LRP1B: variants seen among roughly 807,000 people sequenced by gnomAD.
LRP1B encodes LDL receptor related protein 1B, also known as low-density lipoprotein receptor-related protein 1B.
In LRP1B, 217 loss-of-function variants were observed where a neutral mutation model predicts 556.6. That is an observed-to-expected ratio of 0.39 (90% CI 0.35 to 0.44). LRP1B has a LOEUF of 0.44. Among genes scored for constraint, LRP1B ranks in the 20% least tolerant of loss-of-function variants. LRP1B has a pLI of 1.00. For synonymous variants in LRP1B, 2,047 were observed against 1,865.8 expected (o/e 1.10, Z -2.50); for missense variants, 5,053 against 5,620.8 (o/e 0.90, Z 3.23).
intron 2 of LRP1B, among the ~76,000 whole-genome samples, chr2:141,678,006 A>G (rs563951409): frequency 6.6e-6 from 1 of 152,270 alleles, no homozygotes; most frequent in South Asian, 2.1e-4. Context: ...TAGTTTTCCA[A>G]TATTACCACT....
intron 7 of LRP1B, among the ~76,000 whole-genome samples, chr2:141,135,728 C>A (rs1701475882): frequency 6.6e-6 from 1 of 151,820 alleles, no homozygotes; most frequent in African/African-American, 2.4e-5. Flanking sequence ...CAATATTGGA[C>A]CCCTTTGAAT....
At chr2:140,316,924 C>G (rs17386302) in intron 82 of LRP1B, among the ~76,000 whole-genome samples, 2 of 151,954 alleles carry the variant, frequency 1.3e-5, no homozygotes, top group Non-Finnish European at 2.9e-5. Flanking sequence ...TTTCAACAGG[C>G]GATTGATATG....
Position 141,862,350 on chromosome 2 carries a change from A to G in LRP1B, c.83-51949T>C, listed in dbSNP as rs567589842. Among the ~76,000 whole-genome samples, 6 of 152,294 alleles carry G rather than the reference A, an allele frequency of 3.9e-5. No homozygotes were observed. In the East Asian group the frequency reaches 1.2e-3, roughly 29 times the overall value. The stretch of plus-strand genomic sequence containing the variant: ...ACTGTGGTTTTCTCATTCTTCTACA[A>G]CATTAAATTACTAGAATTGGATCCG... On this transcript the variant is annotated intron_variant, in intron 1 of 90. Coordinates refer to ENST00000389484, the MANE Select transcript of LRP1B (RefSeq NM_018557.3).
At chr2:140,427,864 T>C (rs1255464806) in intron 66 of LRP1B, among the ~76,000 whole-genome samples, 1 of 152,108 alleles carries the variant, frequency 6.6e-6, no homozygotes, top group African/African-American at 2.4e-5. Flanking sequence ...CCTATAATCC[T>C]TTTATCACCT....
intron 18 of LRP1B, among the ~76,000 whole-genome samples, chr2:140,967,337 CTCTG>C (rs1179611661): frequency 2.2e-5 from 1 of 46,082 alleles, no homozygotes; most frequent in Non-Finnish European, 6.8e-5. Flanking sequence ...CGATTTGGCT[CTCTG>C]TCTGTTATTG....
At chr2:140,750,985 T>G (rs1054261251) in intron 35 of LRP1B, among the ~76,000 whole-genome samples, 3 of 114,880 alleles carry the variant, frequency 2.6e-5, no homozygotes, top group Admixed American at 1.4e-4. Flanking sequence ...ATAACTCTTT[T>G]TTTTTCTTTT....
intron 2 of LRP1B, among the ~76,000 whole-genome samples, chr2:141,693,312 C>T (rs1691615433): frequency 6.6e-6 from 1 of 151,950 alleles, no homozygotes; most frequent in African/African-American, 2.4e-5. Context: ...TATCTGGCAA[C>T]AACCGCAAAA....
chr2:140,427,626 G>A (rs996051485), intron 66 of LRP1B, among the ~76,000 whole-genome samples: 9 of 152,156 alleles, frequency 5.9e-5, no homozygotes, highest in East Asian at 3.9e-4. Context: ...ACGGTCTGAG[G>A]TGCCTGATAT....
intron 3 of LRP1B, among the ~76,000 whole-genome samples, chr2:141,337,492 A>AGTCT (rs34147104): frequency 0.59 from 89,413 of 151,450 alleles, 27,253 homozygotes; most frequent in African/African-American, 0.68. Context: ...ATTTTGTCTC[A>AGTCT]GTCTGTAGCT....
At chr2:141,503,227 C>A (rs1683793650) in intron 2 of LRP1B, among the ~76,000 whole-genome samples, 1 of 138,022 alleles carries the variant, frequency 7.2e-6, no homozygotes, top group African/African-American at 2.6e-5. Flanking sequence ...ATAAGATATA[C>A]AATATACAAT....
intron 2 of LRP1B, among the ~76,000 whole-genome samples, chr2:141,567,064 G>T (rs1385409576): frequency 6.6e-6 from 1 of 151,968 alleles, no homozygotes; most frequent in African/African-American, 2.4e-5. Context: ...AGAAAAAAGA[G>T]GAAATCATTT....
chr2:140,731,156 C>T (rs1687763216), intron 35 of LRP1B, among the ~76,000 whole-genome samples: 1 of 152,186 alleles, frequency 6.6e-6, no homozygotes. Flanking sequence ...TACTGACTAT[C>T]ACAGTCTAAG....
rs138881389 is a variant in LRP1B, at chr2:140,982,276, G to C, written c.2771C>G (p.Ala924Gly). ...NEDESNQTCT[A>G]RTCQVDQFSC... ...AAACTGGTCTACCTGGCATGTTCTG[G>C]CTATGATGATCAATTAATAAACAAA... Residue 924 changes from alanine to glycine, a missense_variant and splice_region_variant, in exon 18 of 91, where the codon GCC becomes GGC. Physicochemically the swap from Ala to Gly is moderately conservative, Grantham distance 60. Around this residue, in one of 5 missense-constraint regions of LRP1B, gnomAD observed 3,619 missense variants for 3,931.9 expected, o/e 0.92. Coordinates refer to ENST00000389484, the MANE Select transcript of LRP1B (RefSeq NM_018557.3). 4.0e-4 allele frequency: 637 copies of C among 1,602,512 alleles called. 1 individual carries two copies. Among genetic ancestry groups the C allele is most frequent in the Non-Finnish European group, 5.2e-4 (607 of 1,170,166 alleles).
intron 11 of LRP1B, among the ~76,000 whole-genome samples, chr2:141,043,104 G>C (rs938810481): frequency 6.6e-6 from 1 of 151,328 alleles, no homozygotes. Context: ...TTGAGGGGCT[G>C]AGGAGGGAAG....
chr2:140,302,359 T>C (rs1169747857), intron 83 of LRP1B, among the ~76,000 whole-genome samples: 1 of 152,202 alleles, frequency 6.6e-6, no homozygotes, highest in East Asian at 1.9e-4. Flanking sequence ...GTTCATCGAC[T>C]CTTCCCACTC....
intron 3 of LRP1B, among the ~76,000 whole-genome samples, chr2:141,304,526 C>G (rs1686515625): frequency 7.3e-6 from 1 of 137,206 alleles, no homozygotes; most frequent in African/African-American, 2.7e-5. Flanking sequence ...GCCACCCAGG[C>G]TCAAGTACAG....
intron 66 of LRP1B, among the ~76,000 whole-genome samples, chr2:140,400,504 T>C (rs1370219875): frequency 6.6e-6 from 1 of 152,212 alleles, no homozygotes; most frequent in Non-Finnish European, 1.5e-5. Context: ...CAAAGTATAC[T>C]TCTGTATTCA....
chr2:140,791,275 A>T (rs1690110999), intron 32 of LRP1B, among the ~76,000 whole-genome samples: 1 of 151,720 alleles, frequency 6.6e-6, no homozygotes, highest in Non-Finnish European at 1.5e-5. Flanking sequence ...AACAAAACAA[A>T]AAAACCAGCT....
At chr2:141,456,332 AT>A (rs1206620311) in intron 3 of LRP1B, among the ~76,000 whole-genome samples, 4 of 152,170 alleles carry the variant, frequency 2.6e-5, no homozygotes, top group African/African-American at 9.7e-5. Context: ...ATTTCCATCT[AT>A]TTAAATACTC....
Sources: allele counts gnomAD v4.1 joint callset (sites outside exome capture counted in the v4.1 genomes callset), GRCh38; gene constraint gnomAD v4.1.1; regional missense constraint gnomAD v4.1.1; transcripts MANE v1.5; gene names NCBI Gene and HGNC (gene_info 2026-07-23, HGNC 2026-07-21).